PCDHA11: variants seen among roughly 807,000 people sequenced by gnomAD.
The protein encoded by PCDHA11 is protocadherin alpha-11.
A neutral mutation model predicts 70.3 loss-of-function variants in PCDHA11; 61 were observed. The observed-to-expected ratio is 0.87, with a 90% CI of 0.71 to 1.07. The LOEUF (loss-of-function observed/expected upper bound fraction) is 1.07, where lower values mean the gene tolerates loss of function less well. PCDHA11 is among the 50% of genes least tolerant of loss of function. The pLI is 0.00. For missense variants in PCDHA11, 1,324 were observed against 1,237.5 expected, an observed-to-expected ratio of 1.07 and a Z score of -1.05; for synonymous variants, 633 against 555.1, an observed-to-expected ratio of 1.14 and a Z score of -1.97.
At chr5:140,982,298 A>G (rs1371152402) in intron 2 of PCDHA11, 177 bp from the exon 3 acceptor site, 12 of 1,189,736 alleles carry the variant, frequency 1.0e-5, no homozygotes, top group Admixed American at 5.6e-5. Flanking sequence ...TAAGTCAGCA[A>G]TGCTTCTGCA....
rs373922357 is a variant in PCDHA11, at chr5:140,927,079, G to C, written c.2392-51870G>C. On this transcript the variant is annotated intron_variant, in intron 1 of 3. Coordinates refer to ENST00000398640, the MANE Select transcript of PCDHA11 (RefSeq NM_018902.5). ...CTTTCGCTTCCTTTCCAGCCACCGC[G>C]AGCTCTACTTCGGGGTGGATCTACC... The C allele has an allele frequency of 2.5e-6, 4 of 1,610,870 alleles. No individual in the cohort carries two copies. In the African/African-American group the frequency reaches 5.3e-5, roughly 22 times the overall value.
intron 1 of PCDHA11, among the ~76,000 whole-genome samples, chr5:140,911,064 T>C (rs2153516956): frequency 6.6e-6 from 1 of 152,226 alleles, no homozygotes; most frequent in African/African-American, 2.4e-5. Flanking sequence ...GGGTGGGTCC[T>C]GAGGAGAATC....
At chr5:140,926,946 A>C in intron 1 of PCDHA11, 1 of 1,590,228 alleles carries the variant, frequency 6.3e-7, no homozygotes, top group Non-Finnish European at 8.6e-7. Context: ...GCGGCGCTGC[A>C]GCGGGACAGC....
At chr5:140,902,702 C>T (rs78828243) in intron 1 of PCDHA11, among the ~76,000 whole-genome samples, 7,835 of 152,116 alleles carry the variant, frequency 0.052, 268 homozygotes, top group Admixed American at 0.075. Flanking sequence ...AGTCTTTTAT[C>T]TTTCACTCCC....
Position 141,011,614 on chromosome 5 carries a change from T to C in PCDHA11, c.*1677T>C, listed in dbSNP as rs1268321894. On this transcript the variant is annotated 3_prime_UTR_variant, in exon 4 of 4. Transcript: ENST00000398640. ...GTGATTCAAGGAATTTTATTTATGG[T>C]CCAGCCAAGAGCCATCTCGTGCCAA... 5 of 153,774 alleles carry C rather than the reference T, an allele frequency of 3.3e-5. No individual in the cohort carries two copies. Among genetic ancestry groups the C allele is most frequent in the African/African-American group, 1.2e-4 (5 of 41,460 alleles). 9.5% of individuals were successfully genotyped at this position (153,774 alleles called of 1,614,324 possible). A position where few individuals can be genotyped will look rare whatever the true frequency, so the allele number is the denominator to read the frequency against.
intron 1 of PCDHA11, chr5:140,928,768 C>G: frequency 1.2e-6 from 2 of 1,614,136 alleles, no homozygotes; most frequent in Non-Finnish European, 1.7e-6. Context: ...CTTAGTTCTT[C>G]CCACTGATGC....
intron 1 of PCDHA11, among the ~76,000 whole-genome samples, chr5:140,871,905 G>A (rs1457249186): frequency 6.6e-6 from 1 of 152,124 alleles, no homozygotes; most frequent in Non-Finnish European, 1.5e-5. Flanking sequence ...GCAGAGTTTT[G>A]CCTTGATATT....
In PCDHA11 at chr5:140,982,477, C is replaced by G. The variant is rs782587733; in HGVS notation, c.2453C>G (p.Ser818Cys). ...SASLRAGMHS[S>C]VHLEEAGILR... ...TCTGGGTCTGTGTGTTTATTCAGCT[C>G]TGTGCACCTAGAGGAGGCTGGCATT... is the stretch of plus-strand genomic sequence containing the variant. Residue 818 changes from serine to cysteine, a missense_variant and splice_region_variant, in exon 3 of 4, where the codon TCT (serine) becomes TGT (cysteine). Coordinates refer to ENST00000398640, the MANE Select transcript of PCDHA11 (RefSeq NM_018902.5). 2 of 1,614,188 alleles carry G rather than the reference C, an allele frequency of 1.2e-6. No homozygotes were observed. Among genetic ancestry groups the G allele is most frequent in the Non-Finnish European group, 1.7e-6 (2 of 1,180,030 alleles).
Position 140,870,483 on chromosome 5 carries a change from C to G in PCDHA11, c.1380C>G (p.Thr460=), listed in dbSNP as rs782740203. 6.2e-6 allele frequency: 10 copies of G among 1,614,240 alleles called. No homozygotes were observed. Among genetic ancestry groups the G allele is most frequent in the Middle Eastern group, 1.6e-4 (1 of 6,062 alleles). Residue 460 remains threonine, a synonymous_variant, in exon 1 of 4, where the codon ACC becomes ACG. Transcript: ENST00000398640. ...NAPAFAQPEY[T]VFVKENNPPG... is the part of the protein sequence containing the mutation. ...CTGCGTTCGCACAGCCCGAGTACAC[C>G]GTGTTCGTGAAGGAGAACAACCCAC...
intron 1 of PCDHA11, among the ~76,000 whole-genome samples, chr5:140,941,235 C>CT: frequency 7.4e-6 from 1 of 135,248 alleles, no homozygotes; most frequent in Non-Finnish European, 1.6e-5. Context: ...TTCTTTCTTT[C>CT]TTTCTTTCTT....
At position 140,876,514 on chromosome 5, in the gene PCDHA11, C is replaced by T. The variant is rs782076196; in HGVS notation, c.2391+5020C>T. ...AGTTCTGGACGTGAATGACAATGTC[C>T]CTGAAGTAATGGTTACTTCACTGTC... On this transcript the variant is annotated intron_variant, in intron 1 of 3. Coordinates refer to ENST00000398640, the MANE Select transcript of PCDHA11 (RefSeq NM_018902.5). 2.5e-6 allele frequency: 4 copies of T among 1,614,026 alleles called. No homozygotes were observed. In the Admixed American group the frequency reaches 6.7e-5, roughly 27 times the overall value.
chr5:140,956,599 G>A (rs782510228), intron 1 of PCDHA11, among the ~76,000 whole-genome samples: 4 of 152,186 alleles, frequency 2.6e-5, no homozygotes, highest in Non-Finnish European at 5.9e-5. Flanking sequence ...AGGGATATCA[G>A]CTGGAAGTTT....
intron 3 of PCDHA11, among the ~76,000 whole-genome samples, chr5:140,988,622 A>G (rs192744779): frequency 6.6e-6 from 1 of 152,242 alleles, no homozygotes; most frequent in East Asian, 1.9e-4. Flanking sequence ...TAGAATGGAG[A>G]TGTCCTGGTT....
chr5:140,939,090 A>C (rs1563171940), intron 1 of PCDHA11, among the ~76,000 whole-genome samples: 1 of 152,192 alleles, frequency 6.6e-6, no homozygotes, highest in Non-Finnish European at 1.5e-5. Flanking sequence ...GGGTGGCTTA[A>C]AAACAATAGA....
At chr5:140,876,328 C>A in intron 1 of PCDHA11, 1 of 1,613,940 alleles carries the variant, frequency 6.2e-7, no homozygotes, top group Non-Finnish European at 8.5e-7. Flanking sequence ...AATGATTTTG[C>A]CAGTGAGTGA....
intron 1 of PCDHA11, among the ~76,000 whole-genome samples, chr5:140,958,063 A>G (rs2095406851): frequency 6.6e-6 from 1 of 152,118 alleles, no homozygotes; most frequent in Non-Finnish European, 1.5e-5. Flanking sequence ...GAGAGAAAAA[A>G]CACAGAAGCA....
intron 3 of PCDHA11, among the ~76,000 whole-genome samples, chr5:141,001,290 G>A (rs2098005878): frequency 6.6e-6 from 1 of 152,100 alleles, no homozygotes; most frequent in Non-Finnish European, 1.5e-5. Flanking sequence ...GATGAAAACT[G>A]AGGCCCAGAG....
At chr5:140,952,351 AAAAG>A (rs1316352142) in intron 1 of PCDHA11, among the ~76,000 whole-genome samples, 25 of 120,612 alleles carry the variant, frequency 2.1e-4, no homozygotes, top group Non-Finnish European at 3.5e-4. Context: ...AAAAAAAAAA[AAAAG>A]AAAGAAAGAA....
chr5:140,886,698 C>T (rs578140955), intron 1 of PCDHA11, among the ~76,000 whole-genome samples: 5 of 151,938 alleles, frequency 3.3e-5, no homozygotes, highest in East Asian at 2.0e-4. Flanking sequence ...TGGTGGCACG[C>T]GCCTGTAATC....
Sources: gnomAD v4.1 joint callset for allele counts (sites outside exome capture counted in the v4.1 genomes callset) on GRCh38, gnomAD v4.1.1 for gene constraint, MANE v1.5 for transcripts, NCBI Gene and HGNC (gene_info 2026-07-23, HGNC 2026-07-21) for gene names.